The following SENP6 variants were observed in gnomAD, a reference collection of about 807,000 sequenced individuals.
SENP6 encodes the protein sentrin-specific protease 6.
SENP6 carries 41 observed loss-of-function variants against 134.5 expected under a neutral mutation model. The ratio of observed to expected loss-of-function variants is 0.30; its 90% CI spans 0.24 to 0.40. The LOEUF (loss-of-function observed/expected upper bound fraction) is 0.40, where lower values mean the gene tolerates loss of function less well. Ranked by LOEUF, SENP6 falls within the 10% of genes least tolerant of loss-of-function variation. SENP6 has a pLI of 1.00. For synonymous variants in SENP6, 395 were observed against 429.8 expected, an observed-to-expected ratio of 0.92 and a Z score of 1.00; for missense variants, 1,248 against 1,312.5, an observed-to-expected ratio of 0.95 and a Z score of 0.76.
intron 2 of SENP6, 59 bp downstream of exon 2, chr6:75,621,684 C>CA: frequency 1.0e-6 from 1 of 979,964 alleles, no homozygotes; most frequent in South Asian, 1.5e-5. Flanking sequence ...ATTAGAAAAA[C>CA]AATTTCTATT....
chr6:75,644,049 T>C (rs969292438), intron 6 of SENP6: 8 of 152,114 alleles, frequency 5.3e-5, no homozygotes, highest in Non-Finnish European at 1.0e-4. Context: ...ATGAGTATGG[T>C]ATCAGAAACC....
chr6:75,666,907 T>G lies in SENP6; in HGVS notation c.1190T>G (p.Val397Gly). Residue 397 changes from valine (V) to glycine (G), a missense_variant, in exon 10 of 24, where the codon GTT (valine) becomes GGT (glycine). Physicochemically the swap from Val to Gly is moderately radical, Grantham distance 109 (BLOSUM62 -3). Transcript: ENST00000447266. ...SIPEDSELNTVTLPRKARMKD... is the reference protein window; with the variant it reads ...SIPEDSELNTGTLPRKARMKD... Reference sequence around the variant, plus strand: ...CCAGAAGACTCAGAGTTAAATACAGTTACATTGCCAAGAAAAGCAAGAATG... The same window carrying G: ...CCAGAAGACTCAGAGTTAAATACAGGTACATTGCCAAGAAAAGCAAGAATG... The G allele has an allele frequency of 6.2e-7, 1 of 1,606,008 alleles. No individual in the cohort carries two copies. Among genetic ancestry groups the G allele is most frequent in the Non-Finnish European group, 8.5e-7 (1 of 1,173,952 alleles).
intron 1 of SENP6, among the ~76,000 whole-genome samples, chr6:75,609,477 G>C (rs1484927507): frequency 6.6e-6 from 1 of 152,184 alleles, no homozygotes; most frequent in Non-Finnish European, 1.5e-5. Context: ...GGGAGAGGGA[G>C]TAGATTCCAC....
intron 8 of SENP6, among the ~76,000 whole-genome samples, chr6:75,663,008 C>G (rs545820497): frequency 8.3e-4 from 126 of 152,144 alleles, no homozygotes; most frequent in Non-Finnish European, 1.0e-3. Context: ...TATTTAGGCT[C>G]TCATGGTAGC....
intron 6 of SENP6, among the ~76,000 whole-genome samples, chr6:75,641,542 A>G (rs750779444): frequency 6.6e-6 from 1 of 152,164 alleles, no homozygotes; most frequent in South Asian, 2.1e-4. Flanking sequence ...TTCTCTTTGT[A>G]AGAACACTGG....
At chr6:75,610,616 A>G (rs1253476092) in intron 1 of SENP6, among the ~76,000 whole-genome samples, 1 of 152,168 alleles carries the variant, frequency 6.6e-6, no homozygotes, top group Admixed American at 6.5e-5. Flanking sequence ...ATTATTAACT[A>G]TTATCTTCAG....
At chr6:75,654,661 A>C (rs563112344) in intron 7 of SENP6, among the ~76,000 whole-genome samples, 4 of 152,358 alleles carry the variant, frequency 2.6e-5, no homozygotes, top group Admixed American at 2.6e-4. Context: ...ATGTAAAAGC[A>C]AATACATAAT....
At chr6:75,660,626 C>T (rs764977031) in intron 8 of SENP6, among the ~76,000 whole-genome samples, 2 of 151,744 alleles carry the variant, frequency 1.3e-5, no homozygotes, top group Non-Finnish European at 2.9e-5. Context: ...CTTAACTTAT[C>T]TTGTATTTCT....
rs556923901 is a variant in SENP6, at chr6:75,662,350, G to T, written c.697-871G>T. On this transcript the variant is annotated intron_variant, in intron 8 of 23. Transcript: ENST00000447266. ...GGATGTCGCTATGTTGCCCAGGCTG[G>T]TCTTGAACTCTTGGCCCTAAAGAGT... Among the ~76,000 whole-genome samples, 3 of 152,056 alleles carry T rather than the reference G, an allele frequency of 2.0e-5. No individual in the cohort carries two copies. The South Asian group carries it at 6.2e-4, about 32-fold the overall frequency.
intron 7 of SENP6, among the ~76,000 whole-genome samples, chr6:75,652,233 T>C (rs1770920676): frequency 1.3e-5 from 2 of 151,062 alleles, no homozygotes; most frequent in Non-Finnish European, 3.0e-5. Context: ...TCCTTACAAC[T>C]TTTTTTTGAC....
chr6:75,670,829 A>G (rs937328494), intron 11 of SENP6, 109 bp downstream of exon 11: 73 of 460,394 alleles, frequency 1.6e-4, no homozygotes, highest in Non-Finnish European at 2.0e-4. Flanking sequence ...TTAATAGAAT[A>G]TCAGTTAGTT....
chr6:75,677,291 ATTGTGGGTAGTT>A, intron 14 of SENP6, 35 bp downstream of exon 14: 1 of 1,365,164 alleles, frequency 7.3e-7, no homozygotes, highest in Non-Finnish European at 1.0e-6. Flanking sequence ...ATATTCTTAA[ATTGTGGGTAGTT>A]TTAAAGGGAA....
intron 19 of SENP6, among the ~76,000 whole-genome samples, chr6:75,704,683 A>G (rs1775270169): frequency 6.6e-6 from 1 of 152,180 alleles, no homozygotes; most frequent in Non-Finnish European, 1.5e-5. Flanking sequence ...GGGGACGGTC[A>G]GGTCCTTCCC....
At chr6:75,698,331 G>A (rs1159643551) in intron 18 of SENP6, among the ~76,000 whole-genome samples, 1 of 152,192 alleles carries the variant, frequency 6.6e-6, no homozygotes, top group African/African-American at 2.4e-5. Flanking sequence ...TGGCTATTTT[G>A]TGGTTTCCAA....
intron 4 of SENP6, 88 bp downstream of exon 4, chr6:75,633,814 A>G: frequency 8.7e-7 from 1 of 1,149,368 alleles, no homozygotes; most frequent in Non-Finnish European, 1.2e-6. Context: ...CCCAACCTGT[A>G]CCTTTTCTTC....
chr6:75,693,886 A>G (rs1354251641), intron 16 of SENP6, among the ~76,000 whole-genome samples: 1 of 152,166 alleles, frequency 6.6e-6, no homozygotes, highest in African/African-American at 2.4e-5. Flanking sequence ...AATATATCAT[A>G]ATTTCCCTTT....
chr6:75,638,769 A>G lies in SENP6; in HGVS notation c.459-1915A>G, dbSNP rs375361033. ...CTCTGTACAGGTGAGTATAAAAAAC[A>G]ACAGAGGCCGGACATGGTTGACTTA... On this transcript the variant is annotated intron_variant, in intron 5 of 23. Transcript: ENST00000447266. 2.0e-4 allele frequency among the ~76,000 whole-genome samples: 31 copies of G among 151,456 alleles called. 1 individual carries two copies. The East Asian group carries it at 5.8e-3, about 28-fold the overall frequency.
intron 6 of SENP6, among the ~76,000 whole-genome samples, chr6:75,640,925 T>C (rs1421679490): frequency 1.3e-5 from 2 of 152,198 alleles, no homozygotes; most frequent in Non-Finnish European, 2.9e-5. Flanking sequence ...GTAATTAGTA[T>C]ATCCATCACC....
intron 1 of SENP6, among the ~76,000 whole-genome samples, chr6:75,618,275 C>CT (rs1484174720): frequency 6.6e-6 from 1 of 151,870 alleles, no homozygotes; most frequent in East Asian, 1.9e-4. Context: ...ATTTATTCAT[C>CT]TGTTTTTATC....
Sources: allele counts gnomAD v4.1 joint callset (sites outside exome capture counted in the v4.1 genomes callset), GRCh38; gene constraint gnomAD v4.1.1; transcripts MANE v1.5; gene names NCBI Gene and HGNC (gene_info 2026-07-23, HGNC 2026-07-21).